Variants in SMOC1 observed in about 807,000 individuals in gnomAD.
SMOC1 encodes SPARC-related modular calcium-binding protein 1.
SMOC1 carries 22 observed loss-of-function variants against 56.3 expected under a neutral mutation model. The observed-to-expected ratio is 0.39, with a 90% CI of 0.28 to 0.56. The LOEUF (loss-of-function observed/expected upper bound fraction) is 0.56. Ranked by LOEUF, SMOC1 falls within the 20% of genes least tolerant of loss-of-function variation. SMOC1 has a pLI of 0.61. For synonymous variants in SMOC1, 193 were observed against 215.0 expected (o/e 0.90, Z 0.89); for missense variants, 509 against 565.4 (o/e 0.90, Z 1.01).
intron 3 of SMOC1, among the ~76,000 whole-genome samples, chr14:69,958,423 A>G (rs1051151703): frequency 6.6e-6 from 1 of 152,244 alleles, no homozygotes; most frequent in Non-Finnish European, 1.5e-5. Context: ...CCATATGATA[A>G]TAATAGTCAA....
intron 1 of SMOC1, among the ~76,000 whole-genome samples, chr14:69,918,978 T>TTTTGTTTG (rs957812798): frequency 4.6e-5 from 7 of 152,178 alleles, no homozygotes; most frequent in Non-Finnish European, 4.4e-5. Flanking sequence ...TCGTGGGTTT[T>TTTTGTTTG]TTTGTTTGTT....
chr14:69,929,172 C>T (rs1441235611), intron 1 of SMOC1, among the ~76,000 whole-genome samples: 3 of 152,180 alleles, frequency 2.0e-5, no homozygotes, highest in Non-Finnish European at 2.9e-5. Flanking sequence ...GCTCTATGCT[C>T]GCCCATTATG....
At chr14:69,895,154 A>G (rs1884060171) in intron 1 of SMOC1, among the ~76,000 whole-genome samples, 1 of 152,216 alleles carries the variant, frequency 6.6e-6, no homozygotes, top group South Asian at 2.1e-4. Context: ...CAATTCACCA[A>G]TTTCCAGTGG....
rs565269974 is a variant in SMOC1, at chr14:69,934,515, G to A, written c.100-17623G>A. Among the ~76,000 whole-genome samples the A allele has an allele frequency of 4.6e-5, 7 of 152,338 alleles. No homozygotes were observed. The South Asian group carries it at 1.5e-3, about 32-fold the overall frequency. ...AGCCAGATGGGGCAGGAAGGATGGG[G>A]TGGGACTGAACCACAGGGGAGAAGT... On this transcript the variant is annotated intron_variant, in intron 1 of 11. Transcript: ENST00000361956.
chr14:69,948,309 G>T (rs1882867234), intron 1 of SMOC1, among the ~76,000 whole-genome samples: 1 of 152,214 alleles, frequency 6.6e-6, no homozygotes, highest in Non-Finnish European at 1.5e-5. Flanking sequence ...ATTGAAGATT[G>T]TCAATGACCC....
At chr14:69,881,631 CT>C (rs376499095) in intron 1 of SMOC1, among the ~76,000 whole-genome samples, 7 of 152,224 alleles carry the variant, frequency 4.6e-5, no homozygotes, top group African/African-American at 1.2e-4. Context: ...CTCCTTCTTT[CT>C]TTTTTTCCCT....
In SMOC1 at chr14:69,881,099, G is replaced by T. The variant is rs188778126; in HGVS notation, c.99+1322G>T. On this transcript the variant is annotated intron_variant, in intron 1 of 11. Coordinates refer to ENST00000361956, the MANE Select transcript of SMOC1 (RefSeq NM_001034852.3). ...TTAAAGTGTGGCAGATTAGATCCAG[G>T]GCGTGTCATAAATCCTCGACAGCAG... Among the ~76,000 whole-genome samples, 1,033 of 152,306 alleles carry T rather than the reference G, an allele frequency of 6.8e-3. 9 individuals carry two copies. Among genetic ancestry groups the T allele is most frequent in the African/African-American group, 0.023 (972 of 41,548 alleles).
chr14:69,907,485 C>T (rs1884441127), intron 1 of SMOC1, among the ~76,000 whole-genome samples: 1 of 152,152 alleles, frequency 6.6e-6, no homozygotes, highest in Non-Finnish European at 1.5e-5. Flanking sequence ...TTTGTAGTTA[C>T]ACAAAAGAGA....
At chr14:69,883,713 C>T (rs1172372964) in intron 1 of SMOC1, among the ~76,000 whole-genome samples, 2 of 152,078 alleles carry the variant, frequency 1.3e-5, no homozygotes, top group Non-Finnish European at 2.9e-5. Context: ...TACTGTTTCT[C>T]ATGATGGCTG....
At chr14:70,023,562 G>T (rs1885813708) in intron 11 of SMOC1, 115 bp downstream of exon 11, 1 of 1,454,854 alleles carries the variant, frequency 6.9e-7, no homozygotes, top group African/African-American at 1.4e-5. Context: ...TCAATTATTT[G>T]CTGGAAGTGT....
intron 1 of SMOC1, among the ~76,000 whole-genome samples, chr14:69,917,117 C>T (rs1594800190): frequency 6.6e-6 from 1 of 152,322 alleles, no homozygotes; most frequent in Non-Finnish European, 1.5e-5. Context: ...GAATGTATCT[C>T]ATTTCATCTT....
chr14:69,879,835 C>G (rs948849091), intron 1 of SMOC1, 58 bp downstream of exon 1: 1 of 1,441,950 alleles, frequency 6.9e-7, no homozygotes, highest in East Asian at 2.7e-5. Flanking sequence ...TGCTTCCCCC[C>G]TCATCCCTGA....
At chr14:69,930,783 C>G (rs1242390361) in intron 1 of SMOC1, among the ~76,000 whole-genome samples, 1 of 152,218 alleles carries the variant, frequency 6.6e-6, no homozygotes, top group Non-Finnish European at 1.5e-5. Context: ...TGATGCAGCT[C>G]TTGGCCTGGA....
chr14:70,002,228 T>G (rs187584148), intron 7 of SMOC1, among the ~76,000 whole-genome samples: 1 of 152,274 alleles, frequency 6.6e-6, no homozygotes, highest in East Asian at 1.9e-4. Context: ...AATTGAGGGA[T>G]GATGTTAGAT....
chr14:69,997,027 C>G (rs1455320088), intron 7 of SMOC1, among the ~76,000 whole-genome samples: 3 of 152,086 alleles, frequency 2.0e-5, no homozygotes, highest in Non-Finnish European at 4.4e-5. Context: ...TGTGACAGAC[C>G]CTGTATGGCC....
chr14:69,976,309 G>A (rs548263862), intron 4 of SMOC1, among the ~76,000 whole-genome samples: 5 of 152,124 alleles, frequency 3.3e-5, no homozygotes, highest in African/African-American at 4.8e-5. Flanking sequence ...GAAAATTTTC[G>A]TAACAGTGGC....
chr14:69,930,188 A>C (rs1885125422), intron 1 of SMOC1, among the ~76,000 whole-genome samples: 4 of 147,566 alleles, frequency 2.7e-5, no homozygotes, highest in Non-Finnish European at 4.5e-5. Context: ...CACCCTTCCC[A>C]CTCCCCTGAC....
At chr14:69,952,026 G>C in intron 1 of SMOC1, 112 bp from the exon 2 acceptor site, 4 of 1,245,154 alleles carry the variant, frequency 3.2e-6, no homozygotes, top group Non-Finnish European at 4.7e-6. Context: ...GTTTTATTTG[G>C]GTTTATTAGG....
In SMOC1 at chr14:69,988,191, G is replaced by T. The variant is rs182756802; in HGVS notation, c.527-4226G>T. ...CCGTTGCTCTTGACATCCTCCTTGA[G>T]AATTCTTTCAGTTTGCCTTATTTGT... On this transcript the variant is annotated intron_variant, in intron 5 of 11. Transcript: ENST00000361956. 1.6e-3 allele frequency among the ~76,000 whole-genome samples: 241 copies of T among 152,058 alleles called. 3 individuals are homozygous for T. The highest frequency in any genetic ancestry group is 3.2e-3 in the Non-Finnish European group (220 of 68,000).
Sources: gnomAD v4.1 joint callset for allele counts (sites outside exome capture counted in the v4.1 genomes callset) on GRCh38, gnomAD v4.1.1 for gene constraint, MANE v1.5 for transcripts, NCBI Gene and HGNC (gene_info 2026-07-23, HGNC 2026-07-21) for gene names.